PLD5: variants seen among roughly 807,000 people sequenced by gnomAD.
PLD5 encodes the protein phospholipase D family member 5.
Under a neutral mutation model 61.1 loss-of-function variants are expected in PLD5, and 36 were observed. That is an observed-to-expected ratio of 0.59 (90% CI 0.45 to 0.78). PLD5 has a LOEUF of 0.78. Ranked by LOEUF, PLD5 falls within the 30% of genes least tolerant of loss-of-function variation. PLD5 has a pLI of 0.00. For synonymous variants in PLD5, 243 were observed against 242.8 expected (o/e 1.00, Z -0.01); for missense variants, 515 against 644.4 (o/e 0.80, Z 2.17).
intron 4 of PLD5, among the ~76,000 whole-genome samples, chr1:242,224,560 T>C (rs757989899): frequency 1.8e-4 from 28 of 152,120 alleles, no homozygotes; most frequent in Non-Finnish European, 3.7e-4. Flanking sequence ...CTCGTCAATA[T>C]TCACGGGGGT....
At chr1:242,491,799 C>T (rs994750500) in intron 1 of PLD5, among the ~76,000 whole-genome samples, 2 of 152,152 alleles carry the variant, frequency 1.3e-5, no homozygotes, top group African/African-American at 4.8e-5. Context: ...TAATACTTCC[C>T]TTGATATTAA....
chr1:242,220,049 A>G lies in PLD5; in HGVS notation c.674T>C (p.Ile225Thr). Residue 225 changes from isoleucine to threonine, a missense_variant, in exon 5 of 10, where the codon ATC (isoleucine) becomes ACC (threonine). Ile to Thr is a moderately conservative substitution (Grantham distance 89). Transcript: ENST00000536534. ...NKGRLQSSFW[I>T]VDKQHVYIGS... Reference sequence around the variant, plus strand: ...GATATACACGTGCTGTTTGTCCACGATCCAGAAGGAGGACTGCAGCCGGCC... The same window carrying G: ...GATATACACGTGCTGTTTGTCCACGGTCCAGAAGGAGGACTGCAGCCGGCC... The G allele has an allele frequency of 6.2e-7, 1 of 1,614,226 alleles. No individual in the cohort carries two copies. Among genetic ancestry groups the G allele is most frequent in the Non-Finnish European group, 8.5e-7 (1 of 1,180,034 alleles).
rs113751804 is a variant in PLD5, at chr1:242,377,208, T to G, written c.190-28966A>C. ...GTGAGACGTGTAGCAGAGGCCACAC[T>G]CCCGGCACTGGTAGGAAGAACCATC... On this transcript the variant is annotated intron_variant, in intron 1 of 9. Coordinates refer to ENST00000536534, the MANE Select transcript of PLD5 (RefSeq NM_001372062.1). 1.9e-6 allele frequency: 3 copies of G among 1,611,384 alleles called. No individual in the cohort carries two copies. In the African/African-American group the frequency reaches 4.0e-5, roughly 22 times the overall value.
At chr1:242,241,911 A>C (rs1558387709) in intron 4 of PLD5, among the ~76,000 whole-genome samples, 1 of 28,008 alleles carries the variant, frequency 3.6e-5, no homozygotes, top group Non-Finnish European at 7.2e-5. Flanking sequence ...ATATATATAT[A>C]CTTACTGTAT....
intron 4 of PLD5, among the ~76,000 whole-genome samples, chr1:242,260,155 T>A (rs1041335643): frequency 5.9e-5 from 9 of 152,148 alleles, no homozygotes; most frequent in Non-Finnish European, 1.5e-5. Flanking sequence ...GAGACCAGCC[T>A]GGTCAATATG....
At chr1:242,400,040 C>T (rs1558533142) in intron 1 of PLD5, among the ~76,000 whole-genome samples, 1 of 152,028 alleles carries the variant, frequency 6.6e-6, no homozygotes, top group Non-Finnish European at 1.5e-5. Context: ...TGGTGGCAGG[C>T]GCCTGTAATC....
chr1:242,418,065 C>T (rs1267392854), intron 1 of PLD5, among the ~76,000 whole-genome samples: 4 of 152,090 alleles, frequency 2.6e-5, no homozygotes, highest in Admixed American at 6.6e-5. Flanking sequence ...AGGGGAGAAA[C>T]ATAATGTAGT....
intron 1 of PLD5, chr1:242,377,153 T>A: frequency 6.2e-7 from 1 of 1,611,688 alleles, no homozygotes; most frequent in Non-Finnish European, 8.5e-7. Flanking sequence ...TTAACTTGTG[T>A]ACGATGAAGA....
In PLD5 at chr1:242,524,439, C is replaced by T. The variant is rs1669382400; in HGVS notation, c.-163G>A. 1.3e-5 allele frequency: 8 copies of T among 610,460 alleles called. No individual in the cohort carries two copies. The highest frequency in any genetic ancestry group is 1.9e-5 in the Non-Finnish European group (8 of 429,592). The allele number at this position is 610,460 out of a possible 1,614,324, so 37.8% of individuals were successfully genotyped here. On this transcript the variant is annotated 5_prime_UTR_variant, in exon 1 of 10. Coordinates refer to ENST00000536534, the MANE Select transcript of PLD5 (RefSeq NM_001372062.1). Reference sequence around the variant, plus strand: ...GAGCGGGCGCGGGGAGCGCGGGGTGCTGAGCGCCAGCTGGGAGCGCGGCCG... The same window carrying T: ...GAGCGGGCGCGGGGAGCGCGGGGTGTTGAGCGCCAGCTGGGAGCGCGGCCG...
In PLD5 at chr1:242,429,536, A is replaced by G. The variant is rs147407651; in HGVS notation, c.190-81294T>C. On this transcript the variant is annotated intron_variant, in intron 1 of 9. Transcript: ENST00000536534. ...TGCTGGGATTACAGGCATGAGCCACAACACCCGGGCTTGGAAATGCTCTTT... is the reference window on the plus strand; with the variant it reads ...TGCTGGGATTACAGGCATGAGCCACGACACCCGGGCTTGGAAATGCTCTTT... Among the ~76,000 whole-genome samples the G allele has an allele frequency of 1.4e-3, 217 of 152,280 alleles. 4 individuals are homozygous for G. The East Asian group carries it at 0.029, about 21-fold the overall frequency.
At chr1:242,326,073 CATT>C (rs1257010183) in intron 2 of PLD5, among the ~76,000 whole-genome samples, 4 of 152,128 alleles carry the variant, frequency 2.6e-5, no homozygotes, top group Middle Eastern at 3.4e-3. Flanking sequence ...GACAGGGTCT[CATT>C]ATGTTGTCCA....
chr1:242,148,896 CTTAGTT>C (rs1055765107), intron 5 of PLD5, among the ~76,000 whole-genome samples: 15 of 151,848 alleles, frequency 9.9e-5, no homozygotes, highest in African/African-American at 3.1e-4. Context: ...TCTAAACATA[CTTAGTT>C]TTAGTAACTT....
At chr1:242,419,466 G>T (rs1046954342) in intron 1 of PLD5, among the ~76,000 whole-genome samples, 2 of 148,670 alleles carry the variant, frequency 1.3e-5, no homozygotes, top group African/African-American at 5.0e-5. Flanking sequence ...TGCGATCTCA[G>T]CTCATGGCAA....
chr1:242,129,150 G>A (rs937552345), intron 5 of PLD5, among the ~76,000 whole-genome samples: 7 of 152,076 alleles, frequency 4.6e-5, no homozygotes, highest in Non-Finnish European at 8.8e-5. Flanking sequence ...GATTTTCTCC[G>A]ATTTTTAATA....
At chr1:242,112,314 T>TAA (rs1661576162) in intron 7 of PLD5, among the ~76,000 whole-genome samples, 3 of 105,992 alleles carry the variant, frequency 2.8e-5, no homozygotes, top group South Asian at 6.8e-4. Context: ...TGTGTGTGTG[T>TAA]GTGTGTGTGT....
At chr1:242,309,883 G>A (rs3001693) in intron 2 of PLD5, among the ~76,000 whole-genome samples, 1 of 149,230 alleles carries the variant, frequency 6.7e-6, no homozygotes, top group East Asian at 1.9e-4. Flanking sequence ...TATTCTTAGA[G>A]TATGGAAAAA....
chr1:242,420,931 T>G (rs1665101893), intron 1 of PLD5, among the ~76,000 whole-genome samples: 1 of 152,140 alleles, frequency 6.6e-6, no homozygotes, highest in Non-Finnish European at 1.5e-5. Context: ...GTAATCCCTT[T>G]GGGATTTTGG....
intron 5 of PLD5, among the ~76,000 whole-genome samples, chr1:242,215,941 T>C (rs1670163941): frequency 6.6e-6 from 1 of 152,224 alleles, no homozygotes; most frequent in African/African-American, 2.4e-5. Flanking sequence ...AAATCTGCCT[T>C]TTTTCAGATT....
intron 5 of PLD5, among the ~76,000 whole-genome samples, chr1:242,200,068 G>A (rs1668887485): frequency 6.6e-6 from 1 of 152,136 alleles, no homozygotes; most frequent in African/African-American, 2.4e-5. Context: ...TCTCTAAAAT[G>A]TTTAAGCACA....
Sources: gnomAD v4.1 joint callset for allele counts (sites outside exome capture counted in the v4.1 genomes callset) on GRCh38, gnomAD v4.1.1 for gene constraint, MANE v1.5 for transcripts, NCBI Gene and HGNC (gene_info 2026-07-23, HGNC 2026-07-21) for gene names.